PCDH7: variants seen among roughly 807,000 people sequenced by gnomAD.
The protein encoded by PCDH7 is protocadherin-7.
A neutral mutation model predicts 58.9 loss-of-function variants in PCDH7; 17 were observed. That is an observed-to-expected ratio of 0.29 (90% confidence interval 0.20 to 0.43). The LOEUF is 0.43. PCDH7 is among the 20% of genes least tolerant of loss of function. The probability of loss-of-function intolerance (pLI) is 1.00; values close to 1 mark genes in which losing one functional copy is unlikely to be tolerated. For synonymous variants in PCDH7, 664 were observed against 616.4 expected (o/e 1.08, Z -1.14); for missense variants, 1,274 against 1,441.0 (o/e 0.88, Z 1.88).
At chr4:30,913,013 T>C (rs1044969189) in intron 1 of PCDH7, among the ~76,000 whole-genome samples, 1 of 150,852 alleles carries the variant, frequency 6.6e-6, no homozygotes, top group African/African-American at 2.4e-5. Flanking sequence ...TTTTTAATAT[T>C]ATTATTATAT....
chr4:30,751,519 G>T (rs1391144763), intron 1 of PCDH7, among the ~76,000 whole-genome samples: 1 of 152,132 alleles, frequency 6.6e-6, no homozygotes, highest in Non-Finnish European at 1.5e-5. Context: ...AATAGCCATA[G>T]TTGGGGAATA....
intron 1 of PCDH7, among the ~76,000 whole-genome samples, chr4:30,792,152 G>C (rs1724201749): frequency 6.6e-6 from 1 of 152,180 alleles, no homozygotes; most frequent in Non-Finnish European, 1.5e-5. Flanking sequence ...AAAGTCAGTG[G>C]CTTTCATTGG....
At chr4:31,065,392 A>C (rs1393938082) in intron 3 of PCDH7, among the ~76,000 whole-genome samples, 3 of 151,990 alleles carry the variant, frequency 2.0e-5, no homozygotes, top group Non-Finnish European at 4.4e-5. Context: ...GACTTTACTG[A>C]AAATTGTCTT....
At chr4:30,823,908 T>C (rs542091494) in intron 1 of PCDH7, among the ~76,000 whole-genome samples, 1 of 152,242 alleles carries the variant, frequency 6.6e-6, no homozygotes, top group Admixed American at 6.5e-5. Context: ...TTTTCTTGTT[T>C]AGCTCAGCAA....
intron 3 of PCDH7, among the ~76,000 whole-genome samples, chr4:31,069,950 A>G (rs563996427): frequency 7.6e-6 from 1 of 131,848 alleles, no homozygotes; most frequent in African/African-American, 2.8e-5. Flanking sequence ...AAAAGCTGAC[A>G]TATTGTGCAA....
chr4:31,012,150 G>GA (rs1753238999), intron 3 of PCDH7, among the ~76,000 whole-genome samples: 1 of 151,916 alleles, frequency 6.6e-6, no homozygotes, highest in South Asian at 2.1e-4. Context: ...TTTCTTGCAA[G>GA]AAAAAAGCTA....
chr4:30,855,167 A>G (rs1402429298), intron 1 of PCDH7, among the ~76,000 whole-genome samples: 2 of 152,180 alleles, frequency 1.3e-5, no homozygotes, highest in Non-Finnish European at 2.9e-5. Flanking sequence ...TGAAGCATCC[A>G]TGCATTGGCA....
At chr4:30,767,475 A>T (rs1231726887) in intron 1 of PCDH7, among the ~76,000 whole-genome samples, 1 of 152,174 alleles carries the variant, frequency 6.6e-6, no homozygotes, top group Non-Finnish European at 1.5e-5. Context: ...GCAACTTCAC[A>T]GCCCGGGTAT....
At chr4:30,909,449 A>G (rs1227421799) in intron 1 of PCDH7, among the ~76,000 whole-genome samples, 1 of 152,208 alleles carries the variant, frequency 6.6e-6, no homozygotes, top group Non-Finnish European at 1.5e-5. Flanking sequence ...TCAGCCCAAA[A>G]ACTCTTTAAG....
At chr4:30,789,399 T>C (rs1258694290) in intron 1 of PCDH7, among the ~76,000 whole-genome samples, 2 of 152,216 alleles carry the variant, frequency 1.3e-5, no homozygotes, top group Non-Finnish European at 2.9e-5. Flanking sequence ...TGTTTATTGC[T>C]GTAGGCTCTT....
rs376230006 is a variant in PCDH7 at position 30,831,210 on chromosome 4, C to T, written c.71-88943C>T. Among the ~76,000 whole-genome samples the T allele has an allele frequency of 5.1e-4, 77 of 152,140 alleles. 2 individuals are homozygous for T. The South Asian group carries it at 0.015, about 29-fold the overall frequency. On this transcript the variant is annotated intron_variant, in intron 1 of 3. Transcript: ENST00000509759. ...CTGGACAGAATTTGTCCCTCATACG[C>T]TTCGTCTATTTATGCCTGGACAATT...
intron 1 of PCDH7, among the ~76,000 whole-genome samples, chr4:30,893,325 G>A (rs959058676): frequency 6.6e-6 from 1 of 151,986 alleles, no homozygotes; most frequent in African/African-American, 2.4e-5. Context: ...TAATAAGTAG[G>A]TTTAGTTTTA....
chr4:30,739,349 A>G (rs992442148), intron 1 of PCDH7, among the ~76,000 whole-genome samples: 7 of 151,686 alleles, frequency 4.6e-5, no homozygotes, highest in African/African-American at 9.7e-5. Flanking sequence ...TTCTAGAGCT[A>G]ATTTTACATT....
intron 1 of PCDH7, among the ~76,000 whole-genome samples, chr4:30,729,151 G>A (rs1271685093): frequency 6.6e-6 from 1 of 151,772 alleles, no homozygotes; most frequent in Non-Finnish European, 1.5e-5. Context: ...AATTGTCAGG[G>A]ATATAATGTG....
intron 3 of PCDH7, among the ~76,000 whole-genome samples, chr4:31,093,235 A>G (rs1211806292): frequency 2.0e-5 from 3 of 152,136 alleles, no homozygotes; most frequent in Non-Finnish European, 4.4e-5. Flanking sequence ...TATGACAACT[A>G]AAAAATAGCA....
intron 1 of PCDH7, among the ~76,000 whole-genome samples, chr4:30,824,438 G>A (rs1439347917): frequency 1.3e-5 from 2 of 151,980 alleles, no homozygotes; most frequent in Admixed American, 6.6e-5. Context: ...ATACACTCAA[G>A]TATTAAACAT....
intron 3 of PCDH7, among the ~76,000 whole-genome samples, chr4:31,073,983 T>G (rs1044807107): frequency 6.6e-6 from 1 of 151,858 alleles, no homozygotes; most frequent in Non-Finnish European, 1.5e-5. Flanking sequence ...TAGCTATTTT[T>G]TCAAACACAG....
At chr4:31,049,006 T>G (rs564668961) in intron 3 of PCDH7, among the ~76,000 whole-genome samples, 32 of 152,274 alleles carry the variant, frequency 2.1e-4, no homozygotes, top group Admixed American at 7.2e-4. Flanking sequence ...AAAAGTAATT[T>G]TTTTAATTAT....
At chr4:30,984,179 G>A (rs1391390493) in intron 3 of PCDH7, among the ~76,000 whole-genome samples, 1 of 152,136 alleles carries the variant, frequency 6.6e-6, no homozygotes, top group Admixed American at 6.5e-5. Flanking sequence ...GGTGGTAAAA[G>A]TGGGCCCAGA....
Sources: allele counts gnomAD v4.1 joint callset (sites outside exome capture counted in the v4.1 genomes callset), GRCh38; gene constraint gnomAD v4.1.1; transcripts MANE v1.5; gene names NCBI Gene and HGNC (gene_info 2026-07-23, HGNC 2026-07-21).